The following MYO3B variants were observed in gnomAD, a reference collection of about 807,000 sequenced individuals.
The protein encoded by MYO3B is myosin IIIB.
Under a neutral mutation model 174.6 loss-of-function variants are expected in MYO3B, and 156 were observed. The observed-to-expected ratio is 0.89, with a 90% CI of 0.78 to 1.02. MYO3B has a LOEUF of 1.02. MYO3B is among the 50% of genes least tolerant of loss of function. The pLI is 0.00. For synonymous variants in MYO3B, 563 were observed against 569.1 expected (o/e 0.99, Z 0.15); for missense variants, 1,632 against 1,639.4 (o/e 1.00, Z 0.08).
intron 19 of MYO3B, 109 bp downstream of exon 19, chr2:170,403,104 A>C (rs919053899): frequency 8.4e-6 from 9 of 1,076,592 alleles, no homozygotes; most frequent in African/African-American, 1.6e-5. Flanking sequence ...GACCCTAGAG[A>C]GAAAATAGGG....
intron 29 of MYO3B, among the ~76,000 whole-genome samples, chr2:170,515,492 T>C (rs1485345600): frequency 6.6e-6 from 1 of 152,142 alleles, no homozygotes; most frequent in African/African-American, 2.4e-5. Context: ...GGACAAGAAG[T>C]GGAAACGTGG....
intron 22 of MYO3B, among the ~76,000 whole-genome samples, chr2:170,421,490 C>T (rs539160508): frequency 3.1e-4 from 47 of 152,318 alleles, no homozygotes; most frequent in Non-Finnish European, 6.2e-4. Flanking sequence ...TTACAACTTC[C>T]CTCTTGGAAC....
At chr2:170,394,323 T>C (rs2094432155) in intron 16 of MYO3B, among the ~76,000 whole-genome samples, 1 of 152,170 alleles carries the variant, frequency 6.6e-6, no homozygotes, top group South Asian at 2.1e-4. Context: ...ATGGTGCCAT[T>C]CTAATAATAG....
intron 3 of MYO3B, among the ~76,000 whole-genome samples, chr2:170,207,973 G>A (rs1452215260): frequency 2.6e-5 from 4 of 152,150 alleles, no homozygotes; most frequent in East Asian, 1.9e-4. Context: ...GGGGGTGGGA[G>A]TATCCACTCT....
intron 7 of MYO3B, among the ~76,000 whole-genome samples, chr2:170,261,910 T>TG (rs889223519): frequency 1.1e-4 from 17 of 152,172 alleles, no homozygotes; most frequent in Non-Finnish European, 1.6e-4. Context: ...GATATGTATG[T>TG]GTGTATATAT....
chr2:170,439,353 CAAAG>C (rs1454813924), intron 22 of MYO3B, among the ~76,000 whole-genome samples: 1 of 151,702 alleles, frequency 6.6e-6, no homozygotes, highest in Non-Finnish European at 1.5e-5. Flanking sequence ...GCCTGGGTGA[CAAAG>C]AAAGACTCCA....
intron 25 of MYO3B, among the ~76,000 whole-genome samples, chr2:170,488,685 GGTAGGAA>G (rs973670172): frequency 2.6e-5 from 4 of 152,172 alleles, no homozygotes; most frequent in African/African-American, 9.7e-5. Context: ...TTCTGCAGTG[GGTAGGAA>G]GTCAATTAGA....
At chr2:170,627,025 C>T (rs1001192824) in intron 32 of MYO3B, among the ~76,000 whole-genome samples, 5 of 151,920 alleles carry the variant, frequency 3.3e-5, no homozygotes, top group Admixed American at 6.6e-5. Context: ...AATTATGTGT[C>T]TTGGAGTTGC....
intron 7 of MYO3B, among the ~76,000 whole-genome samples, chr2:170,263,610 C>A (rs1391628358): frequency 6.6e-6 from 1 of 152,124 alleles, no homozygotes; most frequent in Non-Finnish European, 1.5e-5. Context: ...TGTGCACATA[C>A]ATAAACATCT....
At chr2:170,246,860 G>A (rs140744520) in intron 7 of MYO3B, among the ~76,000 whole-genome samples, 4 of 152,202 alleles carry the variant, frequency 2.6e-5, no homozygotes, top group East Asian at 1.9e-4. Context: ...GGGACAATGC[G>A]GGGAGGGAGG....
chr2:170,341,113 G>C (rs1227737295), intron 8 of MYO3B: 1 of 152,180 alleles, frequency 6.6e-6, no homozygotes, highest in Non-Finnish European at 1.5e-5. Flanking sequence ...ATTTGCATAT[G>C]TTTATTCTTT....
intron 7 of MYO3B, among the ~76,000 whole-genome samples, chr2:170,276,959 T>C (rs1474877761): frequency 1.3e-5 from 2 of 152,324 alleles, no homozygotes; most frequent in African/African-American, 4.8e-5. Context: ...AAATGGGCTC[T>C]AAAGGTAAAT....
chr2:170,401,226 C>A (rs1186094286), intron 17 of MYO3B, among the ~76,000 whole-genome samples: 2 of 152,076 alleles, frequency 1.3e-5, no homozygotes, highest in Non-Finnish European at 2.9e-5. Context: ...CCTATTTCCC[C>A]AATTTATTTG....
At chr2:170,382,222 GT>G in intron 10 of MYO3B, 110 bp downstream of exon 10, 1 of 849,924 alleles carries the variant, frequency 1.2e-6, no homozygotes, top group South Asian at 1.6e-5. Context: ...AAATTTAATT[GT>G]TTGTGTAGCT....
chr2:170,540,513 C>G (rs1690019860), intron 30 of MYO3B, among the ~76,000 whole-genome samples: 2 of 152,034 alleles, frequency 1.3e-5, no homozygotes, highest in East Asian at 3.9e-4. Flanking sequence ...CTCCTGGGCT[C>G]AAGCAGTTCT....
chr2:170,258,188 C>T (rs967207140), intron 7 of MYO3B, among the ~76,000 whole-genome samples: 1 of 152,008 alleles, frequency 6.6e-6, no homozygotes, highest in Non-Finnish European at 1.5e-5. Context: ...CCACAAAAGT[C>T]AAGGAGGACA....
chr2:170,364,706 AG>A (rs1263512561), intron 8 of MYO3B, among the ~76,000 whole-genome samples: 1 of 152,226 alleles, frequency 6.6e-6, no homozygotes, highest in Non-Finnish European at 1.5e-5. Flanking sequence ...CAGGAGTTTT[AG>A]GAATCCCAGC....
intron 32 of MYO3B, among the ~76,000 whole-genome samples, chr2:170,625,896 T>G (rs1465685538): frequency 1.3e-5 from 2 of 152,218 alleles, no homozygotes; most frequent in Non-Finnish European, 2.9e-5. Context: ...AGTTCTAGTT[T>G]GATTGCACTG....
intron 32 of MYO3B, among the ~76,000 whole-genome samples, chr2:170,568,481 T>C (rs986433992): frequency 6.6e-6 from 1 of 152,240 alleles, no homozygotes; most frequent in Non-Finnish European, 1.5e-5. Flanking sequence ...GTTTAAAATA[T>C]TGTTTCCACA....
Sources: gnomAD v4.1 joint callset for allele counts (sites outside exome capture counted in the v4.1 genomes callset) on GRCh38, gnomAD v4.1.1 for gene constraint, MANE v1.5 for transcripts, NCBI Gene and HGNC (gene_info 2026-07-23, HGNC 2026-07-21) for gene names.